The following ZNF721 variants were observed in gnomAD, a reference collection of about 807,000 sequenced individuals.
ZNF721 encodes the protein zinc finger protein 721.
A neutral mutation model predicts 2.4 loss-of-function variants in ZNF721; 2 were observed. The ratio of observed to expected loss-of-function variants is 0.82; its 90% CI spans 0.34 to 2.58. The LOEUF (loss-of-function observed/expected upper bound fraction) is 2.58. ZNF721 is among the 30% of genes most tolerant of loss of function. The pLI, the probability that ZNF721 is intolerant of heterozygous loss-of-function variation, is 0.11. For synonymous variants in ZNF721, 398 were observed against 381.8 expected (o/e 1.04, Z -0.50); for missense variants, 1,187 against 1,085.5 (o/e 1.09, Z -1.31).
At chr4:464,962 G>C (rs1216347179) in intron 2 of ZNF721, among the ~76,000 whole-genome samples, 4 of 151,832 alleles carry the variant, frequency 2.6e-5, no homozygotes, top group Admixed American at 2.6e-4. Flanking sequence ...GCAGGTGCCT[G>C]CAGTCTCAGC....
chr4:474,339 A>C (rs1314335672), intron 1 of ZNF721, among the ~76,000 whole-genome samples: 1 of 152,084 alleles, frequency 6.6e-6, no homozygotes, highest in Non-Finnish European at 1.5e-5. Context: ...AGGCACTTTC[A>C]GGCGGCGCTT....
At chr4:499,001 G>C (rs1188400737) in intron 1 of ZNF721, 55 bp downstream of exon 1, 1 of 340,016 alleles carries the variant, frequency 2.9e-6, no homozygotes, top group African/African-American at 2.2e-5. Flanking sequence ...TGGGATTAAA[G>C]GCGTGAGCCA....
intron 1 of ZNF721, among the ~76,000 whole-genome samples, chr4:496,791 C>T (rs1331822421): frequency 6.9e-6 from 1 of 145,412 alleles, no homozygotes; most frequent in Non-Finnish European, 1.5e-5. Context: ...CGGCTCACTG[C>T]AGGCTCCGCC....
At chr4:462,745 A>C (rs913073389) in intron 2 of ZNF721, among the ~76,000 whole-genome samples, 9 of 152,206 alleles carry the variant, frequency 5.9e-5, no homozygotes, top group African/African-American at 2.2e-4. Flanking sequence ...CTTATACAAC[A>C]ATTAACTCAA....
Position 459,814 on chromosome 4 carries a change from G to C in ZNF721, c.34+12761C>G, listed in dbSNP as rs1367368825. On this transcript the variant is annotated intron_variant, in intron 2 of 2. Transcript: ENST00000511833. ...CCACTACACTCCAGCCTGGGCAAGA[G>C]AGCAAGACTCCGTCTCAAAAAAAAA... Among the ~76,000 whole-genome samples the C allele has an allele frequency of 2.7e-5, 4 of 148,272 alleles. No homozygotes were observed. In the South Asian group the frequency reaches 6.7e-4, roughly 25 times the overall value.
intron 2 of ZNF721, among the ~76,000 whole-genome samples, chr4:450,563 G>C (rs114239610): frequency 0.028 from 4,196 of 152,082 alleles, 80 homozygotes; most frequent in Non-Finnish European, 0.045. Flanking sequence ...ACATACACAT[G>C]GTACCACATC....
Position 442,600 on chromosome 4 carries a change from CAA to C in ZNF721, c.1865_1866del (p.Phe622CysfsTer22). 6.2e-7 allele frequency: 1 copy of C among 1,612,836 alleles called. No homozygotes were observed. The highest frequency in any genetic ancestry group is 8.5e-7 in the Non-Finnish European group (1 of 1,179,634). Reference sequence around the variant, plus strand: ...TGTTGATTCAGGTCCGTGTACCATACAAAGTCTTTGCCACACTCTTCACATTT... The same window carrying C: ...TGTTGATTCAGGTCCGTGTACCATACAGTCTTTGCCACACTCTTCACATTT... ...LYKCEECGKD[F>X]VWYTDLNQQK... On this transcript the variant is annotated frameshift_variant, in exon 3 of 3. Transcript: ENST00000511833. LOFTEE classifies it low-confidence loss of function (END_TRUNC).
At chr4:453,963 G>A (rs1471344503) in intron 2 of ZNF721, 1 of 152,050 alleles carries the variant, frequency 6.6e-6, no homozygotes, top group Non-Finnish European at 1.5e-5. Flanking sequence ...ATTCCATATA[G>A]CTCCCCACCC....
chr4:443,380 A>G lies in ZNF721; in HGVS notation c.1087T>C (p.Cys363Arg), dbSNP rs1714342598. The G allele has an allele frequency of 6.2e-7, 1 of 1,614,040 alleles. No individual in the cohort carries two copies. Among genetic ancestry groups the G allele is most frequent in the Non-Finnish European group, 8.5e-7 (1 of 1,180,004 alleles). The change falls in exon 3 of 3, where the codon TGC becomes CGC. Residue 363 changes from cysteine (C) to arginine (R), a missense_variant. Transcript: ENST00000511833. ...RIHTGEKPYK[C>R]EDCGKAFGRY... ...CCAAAGGCTTTGCCACAGTCTTCGCATTTGTAAGGTTTCTCTCCAGTATGA... is the reference window on the plus strand; with the variant it reads ...CCAAAGGCTTTGCCACAGTCTTCGCGTTTGTAAGGTTTCTCTCCAGTATGA...
intron 2 of ZNF721, 39 bp downstream of exon 2, chr4:472,536 G>C: frequency 6.4e-7 from 1 of 1,571,956 alleles, no homozygotes; most frequent in Non-Finnish European, 8.6e-7. Flanking sequence ...ATAAAACTCA[G>C]AGGGAGTATT....
At chr4:448,441 C>CA in intron 2 of ZNF721, among the ~76,000 whole-genome samples, 1 of 141,330 alleles carries the variant, frequency 7.1e-6, no homozygotes, top group South Asian at 2.3e-4. Flanking sequence ...GTATCCCCCC[C>CA]CAAAAAAAAA....
intron 2 of ZNF721, among the ~76,000 whole-genome samples, chr4:457,658 C>G (rs1365505414): frequency 2.0e-5 from 3 of 152,304 alleles, no homozygotes; most frequent in East Asian, 3.9e-4. Context: ...CAGACACCCA[C>G]AGAGAGAAAC....
Position 443,131 on chromosome 4 carries a change from T to G in ZNF721, c.1336A>C (p.Lys446Gln). The G allele has an allele frequency of 6.2e-7, 1 of 1,613,940 alleles. No homozygotes were observed. Among genetic ancestry groups the G allele is most frequent in the Admixed American group, 1.7e-5 (1 of 60,016 alleles). ...AAGGCTTTCCCACATTCTTTACATTTGTAGGGTTTATCTCCAGTATGAATT... is the reference window on the plus strand; with the variant it reads ...AAGGCTTTCCCACATTCTTTACATTGGTAGGGTTTATCTCCAGTATGAATT... ...KKIHTGDKPY[K>Q]CKECGKAFIH... is the part of the protein sequence containing the mutation. The change falls in exon 3 of 3, where the codon AAA becomes CAA. Residue 446 changes from lysine to glutamine, a missense_variant. Coordinates refer to ENST00000511833, the MANE Select transcript of ZNF721 (RefSeq NM_133474.4).
At chr4:446,683 A>AT (rs1196545422) in intron 2 of ZNF721, among the ~76,000 whole-genome samples, 7 of 148,314 alleles carry the variant, frequency 4.7e-5, no homozygotes, top group African/African-American at 1.5e-4. Context: ...CCAACCCCGA[A>AT]TTTTCTTTTT....
At chr4:469,320 A>G (rs1164313984) in intron 2 of ZNF721, among the ~76,000 whole-genome samples, 2 of 152,188 alleles carry the variant, frequency 1.3e-5, no homozygotes, top group Non-Finnish European at 2.9e-5. Context: ...CAATACTATA[A>G]AAATAAGAAA....
chr4:477,257 T>C (rs1315638577), intron 1 of ZNF721, among the ~76,000 whole-genome samples: 1 of 88,728 alleles, frequency 1.1e-5, no homozygotes, highest in African/African-American at 3.7e-5. Flanking sequence ...TGAGTTCCTT[T>C]TTTTTTTTTT....
At chr4:470,629 G>A (rs529984823) in intron 2 of ZNF721, among the ~76,000 whole-genome samples, 13 of 152,136 alleles carry the variant, frequency 8.5e-5, no homozygotes, top group African/African-American at 2.9e-4. Flanking sequence ...CAGAAGAATC[G>A]CTTGAACCCA....
At chr4:451,116 A>T (rs1714647149) in intron 2 of ZNF721, among the ~76,000 whole-genome samples, 1 of 151,616 alleles carries the variant, frequency 6.6e-6, no homozygotes, top group Admixed American at 6.6e-5. Flanking sequence ...TCAGATTTTT[A>T]AAATGTGACA....
At chr4:459,916 C>T (rs1553865846) in intron 2 of ZNF721, among the ~76,000 whole-genome samples, 1 of 151,984 alleles carries the variant, frequency 6.6e-6, no homozygotes, top group Non-Finnish European at 1.5e-5. Context: ...AATATATATG[C>T]ACCCAATACA....
Sources: gnomAD v4.1 joint callset for allele counts (sites outside exome capture counted in the v4.1 genomes callset) on GRCh38, gnomAD v4.1.1 for gene constraint, MANE v1.5 for transcripts, NCBI Gene and HGNC (gene_info 2026-07-23, HGNC 2026-07-21) for gene names.